The following HADHA variants were observed in gnomAD, a reference collection of about 807,000 sequenced individuals.
HADHA encodes the protein trifunctional enzyme subunit alpha, mitochondrial.
A neutral mutation model predicts 91.3 loss-of-function variants in HADHA; 59 were observed. The observed-to-expected ratio is 0.65, with a 90% confidence interval of 0.52 to 0.80. The LOEUF (loss-of-function observed/expected upper bound fraction) is 0.80, where lower values mean the gene tolerates loss of function less well. HADHA is among the 30% of genes least tolerant of loss of function. The probability of loss-of-function intolerance (pLI) is 0.00; values close to 1 mark genes in which losing one functional copy is unlikely to be tolerated. For missense variants in HADHA, 800 were observed against 927.6 expected, an observed-to-expected ratio of 0.86 and a Z score of 1.79; for synonymous variants, 320 against 338.9, an observed-to-expected ratio of 0.94 and a Z score of 0.61.
intron 12 of HADHA, 33 bp from the exon 13 acceptor site, chr2:26,201,353 G>T (rs1321541177): frequency 2.0e-6 from 3 of 1,487,324 alleles, no homozygotes; most frequent in Admixed American, 3.3e-5. Context: ...TAGATGGGAA[G>T]AAAAGGAAAC....
In HADHA at chr2:26,192,168, C is replaced by A; in HGVS notation, c.2000+142G>T. On this transcript the variant is annotated intron_variant, in intron 18 of 19. Transcript: ENST00000380649. ...GAAAATGGAAGACAGCACCATGGCACGTGTATACCTATGTAACAAACCTGC... is the reference window on the plus strand; with the variant it reads ...GAAAATGGAAGACAGCACCATGGCAAGTGTATACCTATGTAACAAACCTGC... The A allele has an allele frequency of 8.0e-6, 5 of 626,798 alleles. No homozygotes were observed. In the South Asian group the frequency reaches 9.6e-5, roughly 12 times the overall value. The allele number at this position is 626,798 out of a possible 1,614,324, so 38.8% of individuals were successfully genotyped here. A position where few individuals can be genotyped will look rare whatever the true frequency, so the allele number is the denominator to read the frequency against.
chr2:26,227,089 C>T (rs559621291), intron 7 of HADHA, among the ~76,000 whole-genome samples: 13 of 152,014 alleles, frequency 8.6e-5, no homozygotes, highest in African/African-American at 2.9e-4. Flanking sequence ...TCTGAAAACT[C>T]GATAATAGGA....
intron 7 of HADHA, among the ~76,000 whole-genome samples, chr2:26,222,231 G>A (rs1191014837): frequency 6.6e-6 from 1 of 152,208 alleles, no homozygotes; most frequent in Non-Finnish European, 1.5e-5. Flanking sequence ...CCATCTGCAA[G>A]CCAAAGAGAG....
intron 7 of HADHA, among the ~76,000 whole-genome samples, chr2:26,225,962 T>A (rs9309474): frequency 0.82 from 124,906 of 151,916 alleles, 51,707 homozygotes; most frequent in African/African-American, 0.93. Flanking sequence ...AATCTATTAA[T>A]AAAAAAGGCT....
intron 11 of HADHA, among the ~76,000 whole-genome samples, chr2:26,204,746 G>A (rs144149194): frequency 1.3e-5 from 2 of 152,132 alleles, no homozygotes; most frequent in South Asian, 2.1e-4. Flanking sequence ...ACCACTCCTG[G>A]CTAATTTTTA....
chr2:26,194,607 A>G lies in HADHA; in HGVS notation c.1652T>C (p.Leu551Pro). 6.2e-7 allele frequency: 1 copy of G among 1,612,632 alleles called. No homozygotes were observed. The highest frequency in any genetic ancestry group is 8.5e-7 in the Non-Finnish European group (1 of 1,178,708). ...GATGACTTCAGACATCATGGGCGCA[A>G]GACACCTGGTAGTATAGAAGCCAGG... ...DGPGFYTTRC[L>P]APMMSEVIRI... Residue 551 changes from leucine (L) to proline (P), a missense_variant, in exon 16 of 20, where the codon CTT (leucine) becomes CCT (proline). Physicochemically the swap from Leu to Pro is moderately conservative, Grantham distance 98. Transcript: ENST00000380649.
chr2:26,220,276 G>A (rs1208546960), intron 7 of HADHA, among the ~76,000 whole-genome samples: 12 of 152,160 alleles, frequency 7.9e-5, no homozygotes. Context: ...ATGTACAATT[G>A]GAGCAGACAT....
intron 12 of HADHA, 79 bp downstream of exon 12, chr2:26,203,983 C>T: frequency 7.1e-7 from 1 of 1,406,458 alleles, no homozygotes; most frequent in African/African-American, 1.4e-5. Context: ...ACAAAAAAAC[C>T]CACCAAGCCA....
intron 16 of HADHA, 75 bp from the exon 17 acceptor site, chr2:26,193,847 C>T: frequency 8.8e-7 from 1 of 1,137,046 alleles, no homozygotes; most frequent in African/African-American, 1.5e-5. Context: ...TGTACTGGCT[C>T]CAAACACTGC....
intron 7 of HADHA, among the ~76,000 whole-genome samples, chr2:26,222,167 T>A (rs1378579303): frequency 1.3e-5 from 2 of 151,856 alleles, no homozygotes; most frequent in Non-Finnish European, 2.9e-5. Context: ...GAAGAAAAAA[T>A]TTGGAAACAC....
intron 10 of HADHA, among the ~76,000 whole-genome samples, chr2:26,211,548 G>T (rs536891658): frequency 6.6e-6 from 1 of 152,240 alleles, no homozygotes; most frequent in East Asian, 1.9e-4. Context: ...AGGTGTATAT[G>T]AAATTAATTT....
Position 26,194,957 on chromosome 2 carries a change from C to G in HADHA, c.1620+135G>C, listed in dbSNP as rs927428891. On this transcript the variant is annotated intron_variant, in intron 15 of 19. Transcript: ENST00000380649. ...GGGACAGTCAATACCACCGTCCATC[C>G]TGGAGACAACCCAGGGGAAAATCAT... 4.7e-6 allele frequency: 4 copies of G among 850,930 alleles called. No homozygotes were observed. The African/African-American group carries it at 6.6e-5, about 14-fold the overall frequency. 52.7% of individuals were successfully genotyped at this position (850,930 alleles called of 1,614,324 possible). A position where few individuals can be genotyped will look rare whatever the true frequency, so the allele number is the denominator to read the frequency against.
rs2147784458 is a variant in HADHA, at chr2:26,236,977, C to T, written c.192G>A (p.Leu64=). The change falls in exon 4 of 20, where the codon CTG becomes CTA. Residue 64 remains leucine, a synonymous_variant. Coordinates refer to ENST00000380649, the MANE Select transcript of HADHA (RefSeq NM_000182.5). ...AGAACTCTGAATGTAGCTCTTTACTCAGTGTATTTACCTGCCAAAGGGAAA... is the reference window on the plus strand; with the variant it reads ...AGAACTCTGAATGTAGCTCTTTACTTAGTGTATTTACCTGCCAAAGGGAAA... ...INSPNSKVNT[L]SKELHSEFSE... is the part of the protein sequence containing the mutation. 6.2e-7 allele frequency: 1 copy of T among 1,609,476 alleles called. No homozygotes were observed. The highest frequency in any genetic ancestry group is 1.7e-4 in the Middle Eastern group (1 of 6,054).
intron 10 of HADHA, chr2:26,212,245 CCT>C (rs1670118816): frequency 1.4e-5 from 5 of 361,744 alleles, no homozygotes; most frequent in South Asian, 1.1e-4. Flanking sequence ...TGCCACCATG[CCT>C]GGCTAACTTT....
rs1553316730 is a variant in HADHA at position 26,244,609 on chromosome 2, A to G, written c.-13T>C. On this transcript the variant is annotated 5_prime_UTR_variant, in exon 1 of 20. Coordinates refer to ENST00000380649, the MANE Select transcript of HADHA (RefSeq NM_000182.5). ...GGCAGGCCACCATCTTGAGCTGAAG[A>G]GGACAGCAGTGGAGAGCGCCTCTAA... 1.9e-6 allele frequency: 3 copies of G among 1,572,036 alleles called. No individual in the cohort carries two copies. The highest frequency in any genetic ancestry group is 1.7e-6 in the Non-Finnish European group (2 of 1,158,086).
intron 7 of HADHA, among the ~76,000 whole-genome samples, chr2:26,226,721 GAAGA>G (rs1670492863): frequency 6.6e-6 from 1 of 152,084 alleles, no homozygotes; most frequent in Non-Finnish European, 1.5e-5. Flanking sequence ...AAAATTTCTA[GAAGA>G]AAGTATACAG....
chr2:26,222,090 G>A (rs953858874), intron 7 of HADHA, among the ~76,000 whole-genome samples: 3 of 152,132 alleles, frequency 2.0e-5, no homozygotes, highest in Admixed American at 2.0e-4. Flanking sequence ...GGCCTTTAAA[G>A]AAGCGATTAA....
chr2:26,231,821 TA>T (rs1670629905), intron 6 of HADHA, among the ~76,000 whole-genome samples: 1 of 151,722 alleles, frequency 6.6e-6, no homozygotes, highest in African/African-American at 2.4e-5. Context: ...TATAAAAAAT[TA>T]GCTGGGTGCA....
chr2:26,218,046 A>C (rs1032888879), intron 7 of HADHA, among the ~76,000 whole-genome samples: 3 of 152,130 alleles, frequency 2.0e-5, no homozygotes, highest in African/African-American at 7.2e-5. Flanking sequence ...GTGGTGGCTC[A>C]TGTAATCCCA....
Sources: allele counts gnomAD v4.1 joint callset (sites outside exome capture counted in the v4.1 genomes callset), GRCh38; gene constraint gnomAD v4.1.1; transcripts MANE v1.5; gene names NCBI Gene and HGNC (gene_info 2026-07-23, HGNC 2026-07-21).